Variants in AXDND1 observed in about 807,000 individuals in gnomAD.
AXDND1 encodes the protein axonemal dynein light chain domain containing 1.
A neutral mutation model predicts 137.5 loss-of-function variants in AXDND1; 110 were observed. That is an observed-to-expected ratio of 0.80 (90% CI 0.69 to 0.94). AXDND1 has a LOEUF of 0.94. Ranked by LOEUF, AXDND1 falls within the 40% of genes least tolerant of loss-of-function variation. The pLI is 0.00. For missense variants in AXDND1, 1,191 were observed against 1,169.8 expected (o/e 1.02, Z -0.26); for synonymous variants, 414 against 399.7 (o/e 1.04, Z -0.43).
chr1:179,376,894 A>G (rs544157103), intron 4 of AXDND1, among the ~76,000 whole-genome samples: 5 of 152,240 alleles, frequency 3.3e-5, no homozygotes, highest in Admixed American at 3.3e-4. Context: ...ACGTTAATGT[A>G]CAATCCTATA....
chr1:179,478,739 A>G (rs1394876895), intron 17 of AXDND1, among the ~76,000 whole-genome samples: 1 of 152,150 alleles, frequency 6.6e-6, no homozygotes, highest in Non-Finnish European at 1.5e-5. Flanking sequence ...AAAAAATGGG[A>G]TATTTGTCTC....
At chr1:179,383,326 C>A in intron 7 of AXDND1, 116 bp from the exon 8 acceptor site, 1 of 715,564 alleles carries the variant, frequency 1.4e-6, no homozygotes, top group Non-Finnish European at 2.3e-6. Flanking sequence ...GCTTAAAATG[C>A]CATTAATATC....
chr1:179,505,702 A>G (rs1668475141), intron 20 of AXDND1, among the ~76,000 whole-genome samples: 2 of 152,116 alleles, frequency 1.3e-5, no homozygotes, highest in African/African-American at 2.4e-5. Context: ...CTCCTAGGTA[A>G]CCATCTTTTG....
intron 21 of AXDND1, among the ~76,000 whole-genome samples, chr1:179,513,220 T>C (rs941503218): frequency 6.6e-6 from 1 of 152,236 alleles, no homozygotes; most frequent in African/African-American, 2.4e-5. Flanking sequence ...TGGCTTTTAA[T>C]ACATTGAGTT....
At chr1:179,483,263 G>C in intron 18 of AXDND1, 42 bp downstream of exon 18, 1 of 1,423,184 alleles carries the variant, frequency 7.0e-7, no homozygotes, top group Non-Finnish European at 9.6e-7. Context: ...TTTTGCCTCG[G>C]CTGGCAAATT....
In AXDND1 at chr1:179,445,157, T is replaced by A. The variant is rs1382958331; in HGVS notation, c.1751T>A (p.Ile584Lys). The change falls in exon 16 of 26, where the codon ATA becomes AAA. Residue 584 changes from isoleucine (I) to lysine (K), a missense_variant. Physicochemically the swap from Ile to Lys is moderately radical, Grantham distance 102 (BLOSUM62 -3). Coordinates refer to ENST00000367618, the MANE Select transcript of AXDND1 (RefSeq NM_144696.6). ...RQYMEEIIKNIQKLYKEYEIR... is the reference protein window; with the variant it reads ...RQYMEEIIKNKQKLYKEYEIR... ...TACATGGAGGAAATTATCAAAAACA[T>A]ACAAAAACTCTACAAAGAATATGAA... is the stretch of plus-strand genomic sequence containing the variant. 1 of 1,609,688 alleles carries A rather than the reference T, an allele frequency of 6.2e-7. No homozygotes were observed. The highest frequency in any genetic ancestry group is 1.3e-5 in the African/African-American group (1 of 74,774).
intron 8 of AXDND1, among the ~76,000 whole-genome samples, chr1:179,384,305 G>T (rs4261076): frequency 0.2 from 30,686 of 151,826 alleles, 3,221 homozygotes; most frequent in Non-Finnish European, 0.24. Flanking sequence ...GAGTGAGTTG[G>T]AGACATCATG....
chr1:179,387,446 C>T (rs6683309), intron 9 of AXDND1, among the ~76,000 whole-genome samples: 115,787 of 152,146 alleles, frequency 0.76, 44,277 homozygotes, highest in Admixed American at 0.81. Flanking sequence ...AGAGCCCTCA[C>T]GACTTAAACA....
At chr1:179,396,427 A>T (rs935546194) in intron 11 of AXDND1, among the ~76,000 whole-genome samples, 1 of 152,064 alleles carries the variant, frequency 6.6e-6, no homozygotes, top group African/African-American at 2.4e-5. Flanking sequence ...AGGTGGGTGG[A>T]TGATGAGGTC....
chr1:179,483,975 C>A lies in AXDND1; in HGVS notation c.2091+754C>A, dbSNP rs547175409. ...AGAAGATTGGAAAGACTGGTGCACT[C>A]CAAGCATATCTTTAGAGGGAAGGCA... On this transcript the variant is annotated intron_variant, in intron 18 of 25. Transcript: ENST00000367618. 2.0e-5 allele frequency among the ~76,000 whole-genome samples: 3 copies of A among 152,216 alleles called. No individual in the cohort carries two copies. The East Asian group carries it at 5.8e-4, about 29-fold the overall frequency.
chr1:179,459,977 T>TTCTTTCTTTCTTTCCTTC (rs1662058942), intron 16 of AXDND1, among the ~76,000 whole-genome samples: 2 of 117,168 alleles, frequency 1.7e-5, no homozygotes, highest in African/African-American at 7.1e-5. Context: ...TTCTTTCTTT[T>TTCTTTCTTTCTTTCCTTC]TCTTTCTTTC....
intron 12 of AXDND1, among the ~76,000 whole-genome samples, chr1:179,418,959 C>T (rs572744264): frequency 4.4e-4 from 66 of 151,204 alleles, no homozygotes; most frequent in African/African-American, 1.4e-3. Flanking sequence ...CGGGCAGAGG[C>T]GCTCCTCACA....
intron 20 of AXDND1, among the ~76,000 whole-genome samples, chr1:179,494,951 T>C (rs1014844134): frequency 6.6e-6 from 1 of 152,208 alleles, no homozygotes; most frequent in African/African-American, 2.4e-5. Context: ...TAGCACCATT[T>C]GCTGAAAAGG....
At position 179,478,542 on chromosome 1, in the gene AXDND1, CA is replaced by C. The variant is rs1347280769; in HGVS notation, c.1998-4585del. On this transcript the variant is annotated intron_variant, in intron 17 of 25. Transcript: ENST00000367618. ...GCTGGAGCAGCTGGGATGCAGGGCA[CA>C]GCAGAGGGACCCTGGGCCTGGCCCA... Among the ~76,000 whole-genome samples the C allele has an allele frequency of 7.9e-5, 12 of 152,070 alleles. No individual in the cohort carries two copies. In the South Asian group the frequency reaches 8.3e-4, roughly 10 times the overall value.
chr1:179,478,897 C>T (rs759822255), intron 17 of AXDND1, among the ~76,000 whole-genome samples: 2 of 151,606 alleles, frequency 1.3e-5, no homozygotes, highest in African/African-American at 2.4e-5. Flanking sequence ...GTCAGGAGCT[C>T]GAGACCAGCT....
intron 8 of AXDND1, among the ~76,000 whole-genome samples, chr1:179,384,767 AT>A (rs549019209): frequency 2.3e-3 from 321 of 141,162 alleles, no homozygotes; most frequent in Middle Eastern, 7.6e-3. Flanking sequence ...AGAGGCACCA[AT>A]TTTTTTTTTT....
At chr1:179,527,644 G>T (rs11805319) in intron 22 of AXDND1, among the ~76,000 whole-genome samples, 7,012 of 152,228 alleles carry the variant, frequency 0.046, 245 homozygotes, top group Non-Finnish European at 0.07. Flanking sequence ...CAAGCATTAT[G>T]TTTATGTTAA....
At chr1:179,511,393 G>GGGTGT (rs146749734) in intron 21 of AXDND1, among the ~76,000 whole-genome samples, 1 of 145,076 alleles carries the variant, frequency 6.9e-6, no homozygotes, top group African/African-American at 2.5e-5. Flanking sequence ...TGGTATATGG[G>GGGTGT]GTGTGTGTGT....
chr1:179,365,708 C>A (rs368369445), upstream of AXDND1: 1 of 152,358 alleles, frequency 6.6e-6, no homozygotes, highest in Non-Finnish European at 1.5e-5. Flanking sequence ...TAACCCCCAC[C>A]GGCGCCTGCG....
Sources: allele counts gnomAD v4.1 joint callset (sites outside exome capture counted in the v4.1 genomes callset), GRCh38; gene constraint gnomAD v4.1.1; transcripts MANE v1.5; gene names NCBI Gene and HGNC (gene_info 2026-07-23, HGNC 2026-07-21).